TMEM132D: variants seen among roughly 807,000 people sequenced by gnomAD.
The protein encoded by TMEM132D is mature OL transmembrane protein.
In TMEM132D, 21 loss-of-function variants were observed where a neutral mutation model predicts 62.3. The observed-to-expected ratio is 0.34, with a 90% CI of 0.24 to 0.49. TMEM132D has a LOEUF of 0.49. Among genes scored for constraint, TMEM132D ranks in the 20% least tolerant of loss-of-function variants. The pLI, the probability that TMEM132D is intolerant of heterozygous loss-of-function variation, is 0.99. For synonymous variants in TMEM132D, 621 were observed against 575.6 expected, an observed-to-expected ratio of 1.08 and a Z score of -1.13; for missense variants, 1,346 against 1,402.8, an observed-to-expected ratio of 0.96 and a Z score of 0.65.
intron 1 of TMEM132D, among the ~76,000 whole-genome samples, chr12:129,818,615 G>T (rs915239421): frequency 3.3e-5 from 5 of 151,856 alleles, no homozygotes; most frequent in Non-Finnish European, 7.4e-5. Flanking sequence ...ATATGTGTGT[G>T]TGTGGTGTAG....
chr12:129,222,960 G>A (rs756276114), intron 4 of TMEM132D, among the ~76,000 whole-genome samples: 3 of 152,098 alleles, frequency 2.0e-5, no homozygotes, highest in South Asian at 2.1e-4. Flanking sequence ...TAGCTTGATA[G>A]TGGCAATCAT....
intron 3 of TMEM132D, among the ~76,000 whole-genome samples, chr12:129,418,395 T>A (rs901631148): frequency 1.3e-5 from 2 of 151,930 alleles, no homozygotes; most frequent in Non-Finnish European, 2.9e-5. Flanking sequence ...AAAGGATGAG[T>A]TCATGTCCTT....
intron 3 of TMEM132D, among the ~76,000 whole-genome samples, chr12:129,397,800 T>C (rs980385698): frequency 2.6e-5 from 4 of 152,182 alleles, no homozygotes; most frequent in Admixed American, 2.6e-4. Flanking sequence ...TTTTGAGCAT[T>C]CACACCTGCA....
rs528294635 is a variant in TMEM132D, at chr12:129,084,547, G to T, written c.1599C>A (p.Thr533=). The T allele has an allele frequency of 6.2e-7, 1 of 1,613,192 alleles. No individual in the cohort carries two copies. The highest frequency in any genetic ancestry group is 8.5e-7 in the Non-Finnish European group (1 of 1,179,542). ...RLPLQIEVSD[T]ELNQIKGWRV... ...TCCAACCCTTGATCTGATTGAGCTCGGTGTCGGAGACCTCGATCTGCAGCG... is the reference window on the plus strand; with the variant it reads ...TCCAACCCTTGATCTGATTGAGCTCTGTGTCGGAGACCTCGATCTGCAGCG... Residue 533 remains threonine (T), a synonymous_variant, in exon 6 of 9, where the codon ACC becomes ACA. Transcript: ENST00000422113.
intron 3 of TMEM132D, among the ~76,000 whole-genome samples, chr12:129,454,969 G>T (rs1279226636): frequency 6.6e-6 from 1 of 152,204 alleles, no homozygotes; most frequent in Admixed American, 6.5e-5. Context: ...CCCGAAGAAA[G>T]CTTAAAAAGG....
intron 3 of TMEM132D, among the ~76,000 whole-genome samples, chr12:129,504,456 C>T (rs953281128): frequency 2.6e-5 from 4 of 152,102 alleles, no homozygotes; most frequent in African/African-American, 9.7e-5. Context: ...TCTCATTCTT[C>T]CTGATTTAAG....
In TMEM132D at chr12:129,867,041, A is replaced by G. The variant is rs1874081170; in HGVS notation, c.79+36220T>C. On this transcript the variant is annotated intron_variant, in intron 1 of 8. Transcript: ENST00000422113. This position sits in a 1 kb window ranked among gnomAD's most constrained non-coding sequence, Gnocchi z 4.5. ...GGCAGGCAGATGGCCTGAGCTCAGG[A>G]GTTGGAGACCAGACTGGGCAACACG... Among the ~76,000 whole-genome samples, 1 of 152,092 alleles carries G rather than the reference A, an allele frequency of 6.6e-6. No individual in the cohort carries two copies. Among genetic ancestry groups the G allele is most frequent in the Admixed American group, 6.6e-5 (1 of 15,262 alleles).
chr12:129,598,890 C>A (rs1235399474), intron 2 of TMEM132D, among the ~76,000 whole-genome samples: 2 of 152,124 alleles, frequency 1.3e-5, no homozygotes, highest in Non-Finnish European at 2.9e-5. Context: ...CTGAGATGGG[C>A]CTTTGATTAA....
chr12:129,573,326 C>G (rs1877570823), intron 2 of TMEM132D, among the ~76,000 whole-genome samples: 1 of 152,202 alleles, frequency 6.6e-6, no homozygotes, highest in African/African-American at 2.4e-5. Flanking sequence ...TTTCAGAGGC[C>G]TGAGGAGCCA....
intron 5 of TMEM132D, among the ~76,000 whole-genome samples, chr12:129,188,546 C>A (rs1277080751): frequency 6.6e-6 from 1 of 152,216 alleles, no homozygotes; most frequent in Non-Finnish European, 1.5e-5. Context: ...CTGACCCATG[C>A]ATATCTTGCT....
intron 2 of TMEM132D, among the ~76,000 whole-genome samples, chr12:129,660,376 T>A (rs1436122574): frequency 6.6e-6 from 1 of 152,088 alleles, no homozygotes; most frequent in Non-Finnish European, 1.5e-5. Flanking sequence ...TAACACAGCC[T>A]CTTCCTTTCT....
Position 129,662,812 on chromosome 12 carries a change from A to AAAAAGAG in TMEM132D, c.968+36997_968+36998insCTCTTTT, listed in dbSNP as rs1555224287. Among the ~76,000 whole-genome samples the AAAAAGAG allele has an allele frequency of 9.7e-3, 812 of 83,346 alleles. 14 individuals are homozygous for AAAAAGAG. Among genetic ancestry groups the AAAAAGAG allele is most frequent in the African/African-American group, 0.012 (233 of 19,518 alleles). 54.7% of individuals were successfully genotyped at this position (83,346 alleles called of 152,430 possible). ...ATCTCAAAAAAAAAAAAAAAAAAAA[A>AAAAAGAG]AGAGAGAGAGAGAAAGAAATATGAG... On this transcript the variant is annotated intron_variant, in intron 2 of 8. Transcript: ENST00000422113.
At chr12:129,285,526 C>CAAAAAAAA (rs1555244565) in intron 4 of TMEM132D, among the ~76,000 whole-genome samples, 2 of 40,932 alleles carry the variant, frequency 4.9e-5, no homozygotes, top group African/African-American at 7.6e-5. Flanking sequence ...GACTGTGTCT[C>CAAAAAAAA]AAAAAAAAAA....
chr12:129,214,523 C>T (rs1228631369), intron 4 of TMEM132D, among the ~76,000 whole-genome samples: 2 of 152,208 alleles, frequency 1.3e-5, no homozygotes, highest in African/African-American at 4.8e-5. Context: ...ACCCCAATTT[C>T]ATTTGTGGCT....
At position 129,590,577 on chromosome 12, in the gene TMEM132D, G is replaced by T. The variant is rs539639230; in HGVS notation, c.969-59372C>A. ...GCTTCCATTCTTTTTCACTGGCTGT[G>T]TAAATGAAGGGTGAGAAGATCGCTC... On this transcript the variant is annotated intron_variant, in intron 2 of 8. Transcript: ENST00000422113. Among the ~76,000 whole-genome samples the T allele has an allele frequency of 3.9e-5, 6 of 152,340 alleles. No individual in the cohort carries two copies. The East Asian group carries it at 9.6e-4, about 24-fold the overall frequency.
intron 3 of TMEM132D, among the ~76,000 whole-genome samples, chr12:129,451,775 G>T (rs1873293862): frequency 6.6e-6 from 1 of 152,138 alleles, no homozygotes; most frequent in Non-Finnish European, 1.5e-5. Flanking sequence ...AAGGGCAAAG[G>T]CAGAAAGAGT....
chr12:129,281,826 G>GGCT (rs1204716250), intron 4 of TMEM132D, among the ~76,000 whole-genome samples: 1 of 152,060 alleles, frequency 6.6e-6, no homozygotes, highest in Non-Finnish European at 1.5e-5. Context: ...GGGAGGTTAT[G>GGCT]GCTCCCTCAA....
chr12:129,310,197 T>C (rs1430582108), intron 4 of TMEM132D, among the ~76,000 whole-genome samples: 1 of 151,894 alleles, frequency 6.6e-6, no homozygotes, highest in African/African-American at 2.4e-5. Context: ...AGGCTAGTGG[T>C]GGCTGTGAGG....
intron 2 of TMEM132D, among the ~76,000 whole-genome samples, chr12:129,633,675 G>A (rs897825913): frequency 5.9e-5 from 9 of 152,016 alleles, no homozygotes; most frequent in African/African-American, 1.4e-4. Context: ...ATGGATGGCC[G>A]GAGACTCCCA....
Sources: gnomAD v4.1 joint callset for allele counts (sites outside exome capture counted in the v4.1 genomes callset) on GRCh38, gnomAD v4.1.1 for gene constraint, Gnocchi (gnomAD v3.1) non-coding constraint, MANE v1.5 for transcripts, NCBI Gene and HGNC (gene_info 2026-07-23, HGNC 2026-07-21) for gene names.